Variants in TSPEAR observed in about 807,000 individuals in gnomAD.
The protein encoded by TSPEAR is thrombospondin-type laminin G domain and EAR repeat-containing protein.
TSPEAR carries 69 observed loss-of-function variants against 71.6 expected under a neutral mutation model. That is an observed-to-expected ratio of 0.96 (90% CI 0.79 to 1.18). TSPEAR has a LOEUF of 1.18. TSPEAR is among the 50% of genes most tolerant of loss of function. The pLI is 0.00. For missense variants in TSPEAR, 971 were observed against 894.9 expected (o/e 1.09, Z -1.09); for synonymous variants, 402 against 387.2 (o/e 1.04, Z -0.45).
At chr21:44,624,712 T>C (rs1982657558) in intron 1 of TSPEAR, among the ~76,000 whole-genome samples, 1 of 152,216 alleles carries the variant, frequency 6.6e-6, no homozygotes, top group Admixed American at 6.5e-5. Flanking sequence ...CCCTCCTCCT[T>C]GTCAGGTCCT....
At chr21:44,594,324 G>T (rs1294741334) in intron 1 of TSPEAR, among the ~76,000 whole-genome samples, 1 of 152,300 alleles carries the variant, frequency 6.6e-6, no homozygotes, top group East Asian at 1.9e-4. Flanking sequence ...CCTTATAAGG[G>T]GATAATGAAA....
At chr21:44,654,104 A>G (rs1984973226) in intron 1 of TSPEAR, 1 of 618,502 alleles carries the variant, frequency 1.6e-6, no homozygotes, top group African/African-American at 1.8e-5. Context: ...CTGTGTAGAA[A>G]GGCGCATGGC....
Position 44,698,102 on chromosome 21 carries a change from G to A in TSPEAR, c.82+13331C>T, listed in dbSNP as rs1388872754. On this transcript the variant is annotated intron_variant, in intron 1 of 11. Transcript: ENST00000323084. ...CAGCCTCTCTTCCCCTAAGCCCTGG[G>A]GGCTCCTGCTAAGCTCCAGATGACC... 4 of 885,192 alleles carry A rather than the reference G, an allele frequency of 4.5e-6. 1 individual carries two copies. The South Asian group carries it at 5.3e-5, about 12-fold the overall frequency. 54.8% of individuals were successfully genotyped at this position (885,192 alleles called of 1,614,324 possible).
In TSPEAR at chr21:44,533,924, C is replaced by T. The variant is rs782427465; in HGVS notation, c.304-1G>A. ...CCACCGTCAGCAGGTACTCGTTCCT[C>T]TGTGGAGAGCGGGCCAGGCTCAGGA... is the stretch of plus-strand genomic sequence containing the variant. On this transcript the variant is annotated splice_acceptor_variant, in intron 2 of 11. Coordinates refer to ENST00000323084, the MANE Select transcript of TSPEAR (RefSeq NM_144991.3). LOFTEE classifies it high-confidence loss of function. 2 of 1,606,518 alleles carry T rather than the reference C, an allele frequency of 1.2e-6. No homozygotes were observed. Among genetic ancestry groups the T allele is most frequent in the African/African-American group, 2.7e-5 (2 of 74,192 alleles).
In TSPEAR at chr21:44,677,600, T is replaced by A. The variant is rs1312238446; in HGVS notation, c.82+33833A>T. ...CAGGTGTGGGTTTTCCTTCATCAAT[T>A]GCAGGGTGATCAGTTTTTAAAGATT... On this transcript the variant is annotated intron_variant, in intron 1 of 11. Transcript: ENST00000323084. 2.8e-6 allele frequency: 3 copies of A among 1,064,290 alleles called. No individual in the cohort carries two copies. In the African/African-American group the frequency reaches 4.6e-5, roughly 16 times the overall value. The allele number at this position is 1,064,290 out of a possible 1,614,324, so 65.9% of individuals were successfully genotyped here.
At chr21:44,657,529 C>T (rs1655743568) in intron 1 of TSPEAR, among the ~76,000 whole-genome samples, 1 of 152,200 alleles carries the variant, frequency 6.6e-6, no homozygotes, top group Non-Finnish European at 1.5e-5. Flanking sequence ...CCAAATGTGG[C>T]TCACAGACGA....
chr21:44,511,617 G>A (rs886070681), intron 9 of TSPEAR, among the ~76,000 whole-genome samples: 1 of 152,204 alleles, frequency 6.6e-6, no homozygotes, highest in African/African-American at 2.4e-5. Flanking sequence ...ACACACACAT[G>A]CACCCACACA....
rs1489942003 is a variant in TSPEAR, at chr21:44,689,708, AATGAATATAT to A, written c.82+21715_82+21724del. ...GGGTTCCCTTAGAGGGACAGAATAG[AATGAATATAT>A]ATATATATATATATATATATATTTT... On this transcript the variant is annotated intron_variant, in intron 1 of 11. Coordinates refer to ENST00000323084, the MANE Select transcript of TSPEAR (RefSeq NM_144991.3). Among the ~76,000 whole-genome samples the A allele has an allele frequency of 1.8e-3, 69 of 38,500 alleles. 9 individuals are homozygous for A. Among genetic ancestry groups the A allele is most frequent in the East Asian group, 5.7e-3 (10 of 1,746 alleles). The allele number at this position is 38,500 out of a possible 152,430, so 25.3% of individuals were successfully genotyped here. A position where few individuals can be genotyped will look rare whatever the true frequency, so the allele number is the denominator to read the frequency against.
chr21:44,508,415 T>C, intron 10 of TSPEAR: 2 of 991,062 alleles, frequency 2.0e-6, no homozygotes, highest in South Asian at 4.1e-5. Flanking sequence ...CGAGGAAACC[T>C]GGGAAAGCCG....
intron 1 of TSPEAR, among the ~76,000 whole-genome samples, chr21:44,572,547 C>G (rs2053818688): frequency 6.6e-6 from 1 of 152,040 alleles, no homozygotes; most frequent in Admixed American, 6.5e-5. Context: ...CCCCCATGCT[C>G]CACCTGCCCC....
In TSPEAR at chr21:44,666,756, A is replaced by G. The variant is rs587684194; in HGVS notation, c.82+44677T>C. Reference sequence around the variant, plus strand: ...TGGCTTGAAGCTCACGGGCACACACACGGAGGACTGGCAGCCCACAGGCAC... The same window carrying G: ...TGGCTTGAAGCTCACGGGCACACACGCGGAGGACTGGCAGCCCACAGGCAC... On this transcript the variant is annotated intron_variant, in intron 1 of 11. Coordinates refer to ENST00000323084, the MANE Select transcript of TSPEAR (RefSeq NM_144991.3). 5 of 1,613,994 alleles carry G rather than the reference A, an allele frequency of 3.1e-6. No homozygotes were observed. The South Asian group carries it at 5.5e-5, about 18-fold the overall frequency.
At position 44,677,563 on chromosome 21, in the gene TSPEAR, C is replaced by A. The variant is rs1215077080; in HGVS notation, c.82+33870G>T. On this transcript the variant is annotated intron_variant, in intron 1 of 11. Transcript: ENST00000323084. ...TCCCTTATAGAAGATGAGGATGCTT[C>A]TTCTGAAAGTGCAGGTGTGGGTTTT... is the stretch of plus-strand genomic sequence containing the variant. 8 of 932,374 alleles carry A rather than the reference C, an allele frequency of 8.6e-6. No individual in the cohort carries two copies. In the Admixed American group the frequency reaches 1.6e-4, roughly 18 times the overall value. The allele number at this position is 932,374 out of a possible 1,614,324, so 57.8% of individuals were successfully genotyped here.
At chr21:44,595,442 T>C (rs944666083) in intron 1 of TSPEAR, among the ~76,000 whole-genome samples, 1 of 152,248 alleles carries the variant, frequency 6.6e-6, no homozygotes, top group Non-Finnish European at 1.5e-5. Context: ...TTACGAATGC[T>C]TCTGTCTGAA....
chr21:44,540,000 T>C, intron 2 of TSPEAR: 1 of 1,612,964 alleles, frequency 6.2e-7, no homozygotes, highest in South Asian at 1.1e-5. Flanking sequence ...GACACACGGC[T>C]CACTGGGGTG....
At position 44,520,618 on chromosome 21, in the gene TSPEAR, C is replaced by A; in HGVS notation, c.1566+1265G>T. Reference sequence around the variant, plus strand: ...CTGCGGGCTTCTCAAGGTGGTCACACTCCCGGTTTCCTAAGCTGCTCTTAC... The same window carrying A: ...CTGCGGGCTTCTCAAGGTGGTCACAATCCCGGTTTCCTAAGCTGCTCTTAC... On this transcript the variant is annotated intron_variant, in intron 9 of 11. Coordinates refer to ENST00000323084, the MANE Select transcript of TSPEAR (RefSeq NM_144991.3). The surrounding 1 kb of genome is among the most constrained non-coding windows in gnomAD (Gnocchi z 4.2). The A allele has an allele frequency of 6.6e-6, 1 of 152,376 alleles. No individual in the cohort carries two copies. 9.4% of individuals were successfully genotyped at this position (152,376 alleles called of 1,614,324 possible).
chr21:44,654,468 CAG>C, intron 1 of TSPEAR: 1 of 1,613,962 alleles, frequency 6.2e-7, no homozygotes, highest in South Asian at 1.1e-5. Context: ...ATACCCCACA[CAG>C]GGGCCGGCAC....
chr21:44,613,400 A>C (rs73907055), intron 1 of TSPEAR, among the ~76,000 whole-genome samples: 4,757 of 152,188 alleles, frequency 0.031, 234 homozygotes, highest in African/African-American at 0.11. Context: ...AGCCCCTGTG[A>C]CCGGGTCTTC....
chr21:44,505,563 CCCCT>C (rs1555911801), intron 10 of TSPEAR, among the ~76,000 whole-genome samples: 5 of 32,292 alleles, frequency 1.5e-4, no homozygotes, highest in Non-Finnish European at 4.9e-4. Flanking sequence ...CACCCCCTCC[CCCCT>C]CCCCCCCCCC....
At chr21:44,677,120 C>G (rs781998937) in intron 1 of TSPEAR, 1 of 714,922 alleles carries the variant, frequency 1.4e-6, no homozygotes, top group East Asian at 2.7e-5. Context: ...TTTTTGACCA[C>G]ATTATCCAGA....
Sources: allele counts gnomAD v4.1 joint callset (sites outside exome capture counted in the v4.1 genomes callset), GRCh38; gene constraint gnomAD v4.1.1; non-coding constraint Gnocchi (gnomAD v3.1); transcripts MANE v1.5; gene names NCBI Gene and HGNC (gene_info 2026-07-23, HGNC 2026-07-21).